ARMC10: variants seen among roughly 807,000 people sequenced by gnomAD.
The protein encoded by ARMC10 is armadillo repeat-containing protein 10.
A neutral mutation model predicts 30.2 loss-of-function variants in ARMC10; 23 were observed. That is an observed-to-expected ratio of 0.76 (90% CI 0.55 to 1.08). ARMC10 has a LOEUF of 1.08. ARMC10 is among the 50% of genes least tolerant of loss of function. The pLI, the probability that ARMC10 is intolerant of heterozygous loss-of-function variation, is 0.00. For synonymous variants in ARMC10, 111 were observed against 164.4 expected, an observed-to-expected ratio of 0.68 and a Z score of 2.48; for missense variants, 303 against 413.7, an observed-to-expected ratio of 0.73 and a Z score of 2.32.
intron 5 of ARMC10, among the ~76,000 whole-genome samples, chr7:103,093,088 C>CA (rs1232926456): frequency 6.6e-6 from 1 of 152,122 alleles, no homozygotes; most frequent in Non-Finnish European, 1.5e-5. Flanking sequence ...TCACTCTGTC[C>CA]AGTTAGGTTG....
At chr7:103,089,857 T>G (rs1316425206) in intron 4 of ARMC10, among the ~76,000 whole-genome samples, 2 of 152,330 alleles carry the variant, frequency 1.3e-5, no homozygotes, top group African/African-American at 4.8e-5. Context: ...TGCTTTGTGG[T>G]GCAGAGTATA....
At position 103,086,771 on chromosome 7, in the gene ARMC10, TG is replaced by T. The variant is rs1800898764; in HGVS notation, c.528+8del. The T allele has an allele frequency of 6.3e-7, 1 of 1,588,240 alleles. No individual in the cohort carries two copies. The highest frequency in any genetic ancestry group is 2.2e-5 in the East Asian group (1 of 44,614). ...AAATCAAATCAAGATAAAGGTAAGT[TG>T]ACTGAAAATCACAAATGTATAAGGT... On this transcript the variant is annotated splice_region_variant and intron_variant, in intron 4 of 6. Coordinates refer to ENST00000323716, the MANE Select transcript of ARMC10 (RefSeq NM_031905.5).
intron 2 of ARMC10, among the ~76,000 whole-genome samples, chr7:103,078,576 C>T (rs376508202): frequency 3.3e-5 from 5 of 152,198 alleles, no homozygotes; most frequent in African/African-American, 7.2e-5. Context: ...TACCCAGTCT[C>T]GGGCAGTTCT....
chr7:103,097,596 C>T (rs934767417), intron 6 of ARMC10, among the ~76,000 whole-genome samples: 1 of 152,138 alleles, frequency 6.6e-6, no homozygotes, highest in African/African-American at 2.4e-5. Flanking sequence ...TTTTTCTCTA[C>T]CCAATTTTGG....
rs1800639126 is a variant in ARMC10 at position 103,084,266 on chromosome 7, A to T, written c.393+436A>T. 1.3e-5 allele frequency among the ~76,000 whole-genome samples: 2 copies of T among 152,352 alleles called. 1 individual carries two copies. ...TAATCAATGTAAATGGCTCCTGCAAATGGAGACTTAACACTAAGACTAAAG... is the reference window on the plus strand; with the variant it reads ...TAATCAATGTAAATGGCTCCTGCAATTGGAGACTTAACACTAAGACTAAAG... On this transcript the variant is annotated intron_variant, in intron 3 of 6. Coordinates refer to ENST00000323716, the MANE Select transcript of ARMC10 (RefSeq NM_031905.5).
At chr7:103,089,063 C>T (rs1801092046) in intron 4 of ARMC10, 1 of 157,472 alleles carries the variant, frequency 6.4e-6, no homozygotes, top group Non-Finnish European at 1.4e-5. Flanking sequence ...TAATTAAACA[C>T]TTTGTGGGCT....
rs932616834 is a variant in ARMC10, at chr7:103,082,635, ATT to A, written c.245-1044_245-1043del. Among the ~76,000 whole-genome samples the A allele has an allele frequency of 2.2e-4, 33 of 152,092 alleles. No individual in the cohort carries two copies. In the East Asian group the frequency reaches 5.2e-3, roughly 24 times the overall value. On this transcript the variant is annotated intron_variant, in intron 2 of 6. Coordinates refer to ENST00000323716, the MANE Select transcript of ARMC10 (RefSeq NM_031905.5). Reference sequence around the variant, plus strand: ...ATGAGCTGCTATGCCCAGCCTAACAATTTTATGTGTTTTAAGAAAAAACACAG... The same window carrying A: ...ATGAGCTGCTATGCCCAGCCTAACAATTATGTGTTTTAAGAAAAAACACAG...
intron 2 of ARMC10, among the ~76,000 whole-genome samples, chr7:103,079,354 A>T (rs1800175047): frequency 6.6e-6 from 1 of 152,224 alleles, no homozygotes; most frequent in African/African-American, 2.4e-5. Context: ...AAAAAATTTT[A>T]TCATTTCTGA....
rs373033108 is a variant in ARMC10, at chr7:103,099,471, CAA to C, written c.*932_*933del. 1.3e-4 allele frequency: 13 copies of C among 98,638 alleles called. No homozygotes were observed. Among genetic ancestry groups the C allele is most frequent in the Admixed American group, 3.2e-4 (3 of 9,522 alleles). The allele number at this position is 98,638 out of a possible 1,614,324, so 6.1% of individuals were successfully genotyped here. On this transcript the variant is annotated 3_prime_UTR_variant, in exon 7 of 7. Transcript: ENST00000323716. ...GGGCAACAAGAGCAAAACTCTGTCT[CAA>C]AAAAAAAAAAAAATGATGGAGCTCC... is the stretch of plus-strand genomic sequence containing the variant.
At chr7:103,092,093 G>C (rs992521293) in intron 4 of ARMC10, among the ~76,000 whole-genome samples, 2 of 152,164 alleles carry the variant, frequency 1.3e-5, no homozygotes, top group African/African-American at 4.8e-5. Flanking sequence ...AGAATTTTGG[G>C]AGGCCGAGGC....
At chr7:103,077,146 A>G (rs1056848623) in intron 2 of ARMC10, among the ~76,000 whole-genome samples, 2 of 152,198 alleles carry the variant, frequency 1.3e-5, no homozygotes, top group Admixed American at 1.3e-4. Flanking sequence ...CTGCCTCAGC[A>G]TCCCGAAGTG....
chr7:103,094,808 T>C (rs764773416), intron 5 of ARMC10, among the ~76,000 whole-genome samples: 43 of 152,302 alleles, frequency 2.8e-4, no homozygotes, highest in Non-Finnish European at 5.3e-4. Flanking sequence ...AGCATCTCTT[T>C]GAAAAAGACA....
At chr7:103,080,063 C>G (rs541797826) in intron 2 of ARMC10, among the ~76,000 whole-genome samples, 28 of 152,250 alleles carry the variant, frequency 1.8e-4, no homozygotes, top group African/African-American at 6.3e-4. Flanking sequence ...ACCACCGAGC[C>G]TAAGATTCTT....
chr7:103,076,199 GAT>G (rs1325971186), intron 2 of ARMC10, among the ~76,000 whole-genome samples: 1 of 152,170 alleles, frequency 6.6e-6, no homozygotes, highest in East Asian at 1.9e-4. Context: ...TAGCTGGACA[GAT>G]AGAACCGATT....
intron 5 of ARMC10, among the ~76,000 whole-genome samples, chr7:103,095,177 T>C (rs1801658611): frequency 6.6e-6 from 1 of 152,266 alleles, no homozygotes; most frequent in Admixed American, 6.5e-5. Flanking sequence ...CTCTGCTCAC[T>C]GCAGCCTTGA....
rs544519872 is a variant in ARMC10 at position 103,090,273 on chromosome 7, G to T, written c.529-2204G>T. Among the ~76,000 whole-genome samples, 10 of 152,326 alleles carry T rather than the reference G, an allele frequency of 6.6e-5. No homozygotes were observed. The South Asian group carries it at 1.4e-3, about 22-fold the overall frequency. ...CCTTGAAAGACATCAGCATCTTACA[G>T]AAGTATATGATTTATAAAGAGCTAA... On this transcript the variant is annotated intron_variant, in intron 4 of 6. Transcript: ENST00000323716.
chr7:103,084,087 C>A, intron 3 of ARMC10: 4 of 1,416,850 alleles, frequency 2.8e-6, no homozygotes, highest in Non-Finnish European at 3.7e-6. Flanking sequence ...TCAACGTTTA[C>A]CATTTCATGG....
chr7:103,077,455 G>A (rs1021424366), intron 2 of ARMC10, among the ~76,000 whole-genome samples: 1 of 152,134 alleles, frequency 6.6e-6, no homozygotes, highest in Non-Finnish European at 1.5e-5. Flanking sequence ...GCTGGTAAGG[G>A]CTTTCTTGTT....
chr7:103,097,182 G>A, intron 5 of ARMC10, 95 bp from the exon 6 acceptor site: 1 of 1,030,236 alleles, frequency 9.7e-7, no homozygotes, highest in Non-Finnish European at 1.5e-6. Flanking sequence ...GCTTAGGCAG[G>A]ACTTTAACAG....
Sources: gnomAD v4.1 joint callset for allele counts (sites outside exome capture counted in the v4.1 genomes callset) on GRCh38, gnomAD v4.1.1 for gene constraint, MANE v1.5 for transcripts, NCBI Gene and HGNC (gene_info 2026-07-23, HGNC 2026-07-21) for gene names.